The following HEATR4 variants were observed in gnomAD, a reference collection of about 807,000 sequenced individuals.
HEATR4 encodes the protein HEAT repeat-containing protein 4.
A neutral mutation model predicts 108.8 loss-of-function variants in HEATR4; 95 were observed. The ratio of observed to expected loss-of-function variants is 0.87; its 90% confidence interval spans 0.74 to 1.04. The LOEUF is 1.04. HEATR4 is among the 50% of genes least tolerant of loss of function. The probability of loss-of-function intolerance (pLI) is 0.00; values close to 1 mark genes in which losing one functional copy is unlikely to be tolerated. For missense variants in HEATR4, 1,152 were observed against 1,253.8 expected (o/e 0.92, Z 1.23); for synonymous variants, 443 against 459.4 (o/e 0.96, Z 0.46).
At chr14:73,564,298 GA>G in the HEATR4 span, among the ~76,000 whole-genome samples, 1,585 of 136,914 alleles carry the variant, frequency 0.012, 21 homozygotes, top group African/African-American at 0.038. Context: ...ACTCTGTCTT[GA>G]AAAAAAAAAA....
At chr14:73,488,419 T>C (rs1341165481) in intron 17 of HEATR4, among the ~76,000 whole-genome samples, 1 of 152,048 alleles carries the variant, frequency 6.6e-6, no homozygotes, top group Non-Finnish European at 1.5e-5. Flanking sequence ...GACAGGGGCG[T>C]GCCACTATGC....
chr14:73,619,986 A>C, the HEATR4 span: 14 of 909,294 alleles, frequency 1.5e-5, no homozygotes, highest in East Asian at 2.8e-5. Context: ...ATCTTGGCTC[A>C]CTGTAACCTC....
chr14:73,491,434 G>A lies in HEATR4; in HGVS notation c.2844+1632C>T, dbSNP rs553036407. Reference sequence around the variant, plus strand: ...GCCTGGTGGAGGTGCCCGCCGCGCCGGTCCGGGTGGTGGAGACCTCGGCCC... The same window carrying A: ...GCCTGGTGGAGGTGCCCGCCGCGCCAGTCCGGGTGGTGGAGACCTCGGCCC... On this transcript the variant is annotated intron_variant, in intron 17 of 17. Transcript: ENST00000553558. 7.3e-5 allele frequency: 99 copies of A among 1,360,314 alleles called. No individual in the cohort carries two copies. In the East Asian group the frequency reaches 3.0e-3, roughly 41 times the overall value. 84.3% of individuals were successfully genotyped at this position (1,360,314 alleles called of 1,614,324 possible). A position where few individuals can be genotyped will look rare whatever the true frequency, so the allele number is the denominator to read the frequency against.
the HEATR4 span, among the ~76,000 whole-genome samples, chr14:73,590,262 C>G: frequency 6.6e-6 from 1 of 152,248 alleles, no homozygotes. Context: ...AAGTTCTCCA[C>G]CTCCCCACTA....
At chr14:73,580,902 G>C in the HEATR4 span, 5 of 151,990 alleles carry the variant, frequency 3.3e-5, no homozygotes, top group Admixed American at 6.6e-5. Context: ...GAGACTCACT[G>C]GGGGAGGAGA....
the HEATR4 span, chr14:73,595,339 C>T: frequency 2.5e-6 from 4 of 1,614,216 alleles, no homozygotes; most frequent in East Asian, 2.2e-5. Flanking sequence ...CCCAGGGGCC[C>T]ATCCTGCTCA....
the HEATR4 span, among the ~76,000 whole-genome samples, chr14:73,566,517 A>G: frequency 1.3e-5 from 2 of 152,168 alleles, no homozygotes; most frequent in African/African-American, 2.4e-5. Context: ...AATTGAGCAC[A>G]GCGCCAGTGG....
chr14:73,619,805 A>G, the HEATR4 span: 2 of 1,608,962 alleles, frequency 1.2e-6, no homozygotes, highest in Admixed American at 3.4e-5. Flanking sequence ...AAACATCTCA[A>G]TGGTAAAAAA....
intron 2 of HEATR4, among the ~76,000 whole-genome samples, chr14:73,526,511 G>C (rs1331745864): frequency 6.6e-6 from 1 of 152,172 alleles, no homozygotes; most frequent in Non-Finnish European, 1.5e-5. Context: ...AGACAGGGCA[G>C]CTCAGGGAGA....
At chr14:73,521,619 G>A (rs1400470401) in intron 3 of HEATR4, among the ~76,000 whole-genome samples, 1 of 152,248 alleles carries the variant, frequency 6.6e-6, no homozygotes, top group Non-Finnish European at 1.5e-5. Flanking sequence ...ATCAGGGATA[G>A]TGTAATAGCT....
At chr14:73,608,478 A>G in the HEATR4 span, among the ~76,000 whole-genome samples, 1 of 152,148 alleles carries the variant, frequency 6.6e-6, no homozygotes, top group Non-Finnish European at 1.5e-5. Flanking sequence ...CCTGGACTTC[A>G]TTGTTCATAT....
intron 7 of HEATR4, among the ~76,000 whole-genome samples, chr14:73,511,012 T>C (rs974091154): frequency 6.6e-6 from 1 of 152,208 alleles, no homozygotes; most frequent in African/African-American, 2.4e-5. Flanking sequence ...ATTTATATCA[T>C]AACCAATGTT....
At chr14:73,508,365 G>A in intron 8 of HEATR4, 71 bp from the exon 9 acceptor site, 9 of 1,381,102 alleles carry the variant, frequency 6.5e-6, no homozygotes, top group Admixed American at 1.8e-5. Flanking sequence ...CCTTTGGATT[G>A]ATACCCAAGG....
Position 73,509,373 on chromosome 14 carries a change from T to C in HEATR4, c.1659A>G (p.Gln553=), listed in dbSNP as rs1303914100. Residue 553 remains glutamine (Q), a synonymous_variant, in exon 8 of 18, where the codon CAA becomes CAG. Coordinates refer to ENST00000553558, the MANE Select transcript of HEATR4 (RefSeq NM_001220484.1). ...AHVRMAAAIC[Q]YAIQSHNPLA... ...GGGGATTATGTGACTGTATGGCATATTGGCATATTGCTGCTGCCATCCGCA... is the reference window on the plus strand; with the variant it reads ...GGGGATTATGTGACTGTATGGCATACTGGCATATTGCTGCTGCCATCCGCA... The C allele has an allele frequency of 3.7e-6, 6 of 1,613,954 alleles. No homozygotes were observed. Among genetic ancestry groups the C allele is most frequent in the South Asian group, 1.1e-5 (1 of 91,066 alleles).
the HEATR4 span, among the ~76,000 whole-genome samples, chr14:73,607,989 A>G: frequency 6.7e-6 from 1 of 150,298 alleles, no homozygotes; most frequent in African/African-American, 2.5e-5. Context: ...CAGTGGTGCA[A>G]TCTTGACTCA....
intron 1 of HEATR4, chr14:73,541,742 T>G: frequency 8.5e-7 from 1 of 1,174,152 alleles, no homozygotes; most frequent in South Asian, 1.4e-5. Flanking sequence ...TCAGGTCTCT[T>G]CTTAAATGGT....
At chr14:73,485,474 C>T (rs951882871) in intron 17 of HEATR4, among the ~76,000 whole-genome samples, 8 of 151,164 alleles carry the variant, frequency 5.3e-5, no homozygotes, top group African/African-American at 1.5e-4. Flanking sequence ...GCCATCTCAG[C>T]TCACTGCAAC....
upstream of HEATR4, among the ~76,000 whole-genome samples, chr14:73,563,276 G>A (rs920203599): frequency 2.6e-5 from 4 of 152,162 alleles, no homozygotes; most frequent in South Asian, 6.2e-4. Context: ...AGTTTAATGG[G>A]TAAAGACTTT....
chr14:73,565,954 C>A, the HEATR4 span, among the ~76,000 whole-genome samples: 2 of 151,898 alleles, frequency 1.3e-5, no homozygotes, highest in African/African-American at 4.8e-5. Context: ...ATTGGTAGAG[C>A]CCAGGGGTCT....
Sources: gnomAD v4.1 joint callset for allele counts (sites outside exome capture counted in the v4.1 genomes callset) on GRCh38, gnomAD v4.1.1 for gene constraint, MANE v1.5 for transcripts, NCBI Gene and HGNC (gene_info 2026-07-23, HGNC 2026-07-21) for gene names.